NLGN4X: variants seen among roughly 807,000 people sequenced by gnomAD.
NLGN4X encodes neuroligin 4 X-linked.
Under a neutral mutation model 40.3 loss-of-function variants are expected in NLGN4X, and 3 were observed. The observed-to-expected ratio is 0.07, with a 90% CI of 0.03 to 0.19. The LOEUF is 0.19. Ranked by LOEUF, NLGN4X falls within the 10% of genes least tolerant of loss-of-function variation. NLGN4X has a pLI of 1.00. For missense variants in NLGN4X, 382 were observed against 708.3 expected, an observed-to-expected ratio of 0.54 and a Z score of 5.23; for synonymous variants, 270 against 306.8, an observed-to-expected ratio of 0.88 and a Z score of 1.25.
At chrX:6,000,774 C>T (rs1449466856) in intron 3 of NLGN4X, among the ~76,000 whole-genome samples, 1 of 111,531 alleles carries the variant, frequency 9.0e-6, no homozygotes, top group East Asian at 2.8e-4. Context: ...AACTTTCCCA[C>T]ATCTCCCTGT....
chrX:6,111,220 G>A (rs1250685416), intron 2 of NLGN4X, among the ~76,000 whole-genome samples: 1 of 112,009 alleles, frequency 8.9e-6, no homozygotes, highest in Non-Finnish European at 1.9e-5. Context: ...CTGAATGGTA[G>A]TGTCCTCCCA....
At chrX:6,002,015 T>C (rs1049675657) in intron 3 of NLGN4X, among the ~76,000 whole-genome samples, 1 of 111,402 alleles carries the variant, frequency 9.0e-6, no homozygotes, top group African/African-American at 3.3e-5. Flanking sequence ...TTAATTCCCA[T>C]GTTAGGGTAG....
intron 2 of NLGN4X, among the ~76,000 whole-genome samples, chrX:6,123,276 T>C (rs1210133242): frequency 1.8e-5 from 2 of 111,767 alleles, no homozygotes; most frequent in African/African-American, 3.2e-5. Context: ...ACCAGGCTAA[T>C]TGCAAAGCAA....
chrX:6,107,900 G>A (rs762982187), intron 2 of NLGN4X, among the ~76,000 whole-genome samples: 37 of 112,107 alleles, frequency 3.3e-4, no homozygotes, highest in African/African-American at 1.2e-3. Flanking sequence ...TTTTATGGCT[G>A]CCTAGTATTC....
At chrX:5,925,543 G>T (rs755221363) in intron 3 of NLGN4X, among the ~76,000 whole-genome samples, 1 of 109,545 alleles carries the variant, frequency 9.1e-6, no homozygotes, top group South Asian at 4.0e-4. Flanking sequence ...CCAGGTATAG[G>T]ATCTTAAATT....
At chrX:5,939,089 T>C (rs2033828716) in intron 3 of NLGN4X, among the ~76,000 whole-genome samples, 1 of 109,637 alleles carries the variant, frequency 9.1e-6, no homozygotes, top group South Asian at 3.9e-4. Flanking sequence ...GTCACAGATT[T>C]AGCCACCTCT....
At chrX:5,995,025 G>A (rs1457264180) in intron 3 of NLGN4X, among the ~76,000 whole-genome samples, 2 of 112,086 alleles carry the variant, frequency 1.8e-5, no homozygotes, top group African/African-American at 6.5e-5. Context: ...AATACTTTTG[G>A]CAATATTTTT....
chrX:6,084,898 C>A (rs1364228198), intron 2 of NLGN4X, among the ~76,000 whole-genome samples: 1 of 110,269 alleles, frequency 9.1e-6, no homozygotes, highest in African/African-American at 3.3e-5. Context: ...GTTTTACAAC[C>A]CAGTTTCAGG....
intron 3 of NLGN4X, among the ~76,000 whole-genome samples, chrX:6,015,766 T>G (rs1195360857): frequency 8.9e-6 from 1 of 112,142 alleles, no homozygotes; most frequent in Admixed American, 9.5e-5. Flanking sequence ...CATACAATGA[T>G]GAGACAGCCA....
chrX:5,942,257 A>T (rs918808153), intron 3 of NLGN4X, among the ~76,000 whole-genome samples: 4 of 110,700 alleles, frequency 3.6e-5, no homozygotes, highest in African/African-American at 1.3e-4. Context: ...CCCTGTCTCA[A>T]AAAAGAATAA....
At chrX:6,148,894 T>C (rs2040108571) in intron 2 of NLGN4X, among the ~76,000 whole-genome samples, 1 of 112,077 alleles carries the variant, frequency 8.9e-6, no homozygotes, top group South Asian at 3.7e-4. Flanking sequence ...AGGCTGTGAC[T>C]TGTGGATGGT....
intron 2 of NLGN4X, chrX:6,032,858 A>G: frequency 2.3e-6 from 1 of 441,899 alleles, no homozygotes; most frequent in Non-Finnish European, 3.5e-6. Context: ...AAAGAAAAAA[A>G]GAAAAGAATG....
intron 2 of NLGN4X, among the ~76,000 whole-genome samples, chrX:6,111,756 A>G (rs1490563176): frequency 9.0e-6 from 1 of 111,020 alleles, no homozygotes; most frequent in African/African-American, 3.3e-5. Context: ...AATGATAATA[A>G]TAACAATAAA....
chrX:6,032,230 C>G lies in NLGN4X; in HGVS notation c.473-2798G>C, dbSNP rs1490451514. 2.2e-5 allele frequency among the ~76,000 whole-genome samples: 2 copies of G among 92,769 alleles called. 1 individual carries two copies. The highest frequency in any genetic ancestry group is 8.0e-5 in the African/African-American group (2 of 24,882). The allele number at this position is 92,769 out of a possible 115,157, so 80.6% of individuals were successfully genotyped here. On this transcript the variant is annotated intron_variant, in intron 2 of 5. Transcript: ENST00000381095. ...AAAAAAAAACTGATATTTCAGCCCC[C>G]CCCCCCCCAAAAAAAATTCTTCTAA...
At chrX:5,916,168 G>A (rs995613204) in intron 3 of NLGN4X, among the ~76,000 whole-genome samples, 1 of 112,074 alleles carries the variant, frequency 8.9e-6, no homozygotes, top group African/African-American at 3.2e-5. Context: ...TTCTTTGAAT[G>A]CTTTCTATGA....
chrX:6,152,827 G>T (rs942174487), intron 1 of NLGN4X, among the ~76,000 whole-genome samples: 1 of 112,281 alleles, frequency 8.9e-6, no homozygotes, highest in African/African-American at 3.2e-5. Context: ...TGCCTTAGAG[G>T]GTATCCTCTT....
intron 3 of NLGN4X, among the ~76,000 whole-genome samples, chrX:6,005,210 C>T (rs969476020): frequency 7.1e-5 from 8 of 111,962 alleles, no homozygotes; most frequent in Non-Finnish European, 1.1e-4. Context: ...ATGCAGATCC[C>T]GGGGATTCTC....
intron 3 of NLGN4X, 145 bp downstream of exon 3, chrX:6,029,134 TA>T (rs1361439839): frequency 3.5e-5 from 23 of 661,565 alleles, no homozygotes; most frequent in South Asian, 2.8e-4. Context: ...GGAATAAACA[TA>T]TCCAATCACA....
At chrX:6,092,817 TA>T (rs751046039) in intron 2 of NLGN4X, among the ~76,000 whole-genome samples, 87 of 109,983 alleles carry the variant, frequency 7.9e-4, no homozygotes, top group Non-Finnish European at 1.5e-3. Context: ...GAAAAGACAA[TA>T]AAAAAAGATA....
Sources: gnomAD v4.1 joint callset for allele counts (sites outside exome capture counted in the v4.1 genomes callset) on GRCh38, gnomAD v4.1.1 for gene constraint, MANE v1.5 for transcripts, NCBI Gene and HGNC (gene_info 2026-07-23, HGNC 2026-07-21) for gene names.